Variants in KIF18A observed in about 807,000 individuals in gnomAD.
KIF18A encodes the protein kinesin family member 18A, also known as kinesin-like protein KIF18A.
Under a neutral mutation model 103.3 loss-of-function variants are expected in KIF18A, and 67 were observed. That is an observed-to-expected ratio of 0.65 (90% confidence interval 0.53 to 0.79). The LOEUF is 0.79. Among genes scored for constraint, KIF18A ranks in the 30% least tolerant of loss-of-function variants. KIF18A has a pLI of 0.00. For synonymous variants in KIF18A, 367 were observed against 355.5 expected (o/e 1.03, Z -0.36); for missense variants, 1,032 against 1,062.5 (o/e 0.97, Z 0.40).
At chr11:28,057,124 A>C (rs1850790884) in intron 13 of KIF18A, among the ~76,000 whole-genome samples, 1 of 152,094 alleles carries the variant, frequency 6.6e-6, no homozygotes, top group Non-Finnish European at 1.5e-5. Context: ...CCTCAAACCC[A>C]TAACAAATAA....
At chr11:28,084,374 G>T (rs1851200626) in intron 7 of KIF18A, 1 of 157,288 alleles carries the variant, frequency 6.4e-6, no homozygotes, top group Non-Finnish European at 1.4e-5. Flanking sequence ...AGAGGTTAGG[G>T]AGAAAGCCAC....
Position 28,094,810 on chromosome 11 carries a change from T to C in KIF18A, c.326-10A>G. 6.2e-7 allele frequency: 1 copy of C among 1,612,876 alleles called. No individual in the cohort carries two copies. The highest frequency in any genetic ancestry group is 1.7e-5 in the Admixed American group (1 of 59,980). ...GCACCATAGGCAAGTACTGAGTTTT[T>C]AAGAAAGGGATCAAAACTCTTTGTT... is the stretch of plus-strand genomic sequence containing the variant. On this transcript the variant is annotated splice_polypyrimidine_tract_variant and intron_variant, in intron 2 of 16. Coordinates refer to ENST00000263181, the MANE Select transcript of KIF18A (RefSeq NM_031217.4).
At chr11:28,050,010 T>C (rs1300968386) in intron 13 of KIF18A, among the ~76,000 whole-genome samples, 1 of 151,934 alleles carries the variant, frequency 6.6e-6, no homozygotes, top group Admixed American at 6.6e-5. Flanking sequence ...TAGGGATGTA[T>C]AATAGTTCCC....
At chr11:28,073,038 C>T (rs1407457555) in intron 10 of KIF18A, among the ~76,000 whole-genome samples, 2 of 152,092 alleles carry the variant, frequency 1.3e-5, no homozygotes, top group Admixed American at 6.6e-5. Flanking sequence ...TTTTAGACTC[C>T]TAGCAACCAA....
intron 12 of KIF18A, among the ~76,000 whole-genome samples, chr11:28,061,706 T>C (rs1005797072): frequency 6.6e-6 from 1 of 152,124 alleles, no homozygotes; most frequent in Non-Finnish European, 1.5e-5. Flanking sequence ...AAGATAATTA[T>C]CAGTTATTTG....
chr11:28,072,909 T>C (rs535404955), intron 10 of KIF18A, among the ~76,000 whole-genome samples: 1 of 152,234 alleles, frequency 6.6e-6, no homozygotes, highest in African/African-American at 2.4e-5. Flanking sequence ...TGGGATTACA[T>C]AGTCCAAGCT....
chr11:28,069,363 T>G lies in KIF18A; in HGVS notation c.1486A>C (p.Lys496Gln), dbSNP rs150712888. The G allele has an allele frequency of 1.2e-6, 2 of 1,613,638 alleles. No homozygotes were observed. Among genetic ancestry groups the G allele is most frequent in the East Asian group, 2.2e-5 (1 of 44,820 alleles). ...TGCTTCAATTCCTCCTCCCTCCTTT[T>G]CTCCAGGTAGGAGCGACGAGTTTTC... is the stretch of plus-strand genomic sequence containing the variant. ...MLKTRRSYLE[K>Q]RREEELKQFD... The change falls in exon 11 of 17, where the codon AAA becomes CAA. Residue 496 changes from lysine (K) to glutamine (Q), a missense_variant. Physicochemically the swap from Lys to Gln is moderately conservative, Grantham distance 53 (BLOSUM62 1). Transcript: ENST00000263181.
At chr11:28,106,332 GA>G (rs1418492770) in intron 1 of KIF18A, among the ~76,000 whole-genome samples, 1 of 152,104 alleles carries the variant, frequency 6.6e-6, no homozygotes, top group Non-Finnish European at 1.5e-5. Context: ...ACTCAAACCT[GA>G]ATTAGATTCA....
chr11:28,105,355 C>G (rs1851490699), intron 1 of KIF18A, among the ~76,000 whole-genome samples: 1 of 152,094 alleles, frequency 6.6e-6, no homozygotes, highest in African/African-American at 2.4e-5. Flanking sequence ...AAATATATAA[C>G]CCTCAGAAAT....
At chr11:28,105,739 C>A (rs1851496099) in intron 1 of KIF18A, among the ~76,000 whole-genome samples, 2 of 152,160 alleles carry the variant, frequency 1.3e-5, no homozygotes, top group South Asian at 4.1e-4. Context: ...TGTCAGATAT[C>A]ACAGAGTGGC....
At chr11:28,081,741 A>ATT (rs2133551675) in intron 9 of KIF18A, among the ~76,000 whole-genome samples, 1 of 152,268 alleles carries the variant, frequency 6.6e-6, no homozygotes, top group African/African-American at 2.4e-5. Flanking sequence ...TAGGAAATAC[A>ATT]TTTTGTAGGG....
At chr11:28,067,183 T>C (rs1239939508) in intron 11 of KIF18A, among the ~76,000 whole-genome samples, 4 of 152,072 alleles carry the variant, frequency 2.6e-5, no homozygotes, top group East Asian at 1.9e-4. Flanking sequence ...TTGTGGGGAA[T>C]ATTTTAAAGT....
chr11:28,043,875 T>C (rs1434103926), intron 13 of KIF18A, among the ~76,000 whole-genome samples: 5 of 150,126 alleles, frequency 3.3e-5, no homozygotes, highest in East Asian at 3.9e-4. Context: ...TTATTTTATA[T>C]AATAAATATA....
At chr11:28,040,697 A>G (rs1251489447) in intron 13 of KIF18A, among the ~76,000 whole-genome samples, 1 of 151,764 alleles carries the variant, frequency 6.6e-6, no homozygotes, top group Non-Finnish European at 1.5e-5. Flanking sequence ...TCACTTGGGA[A>G]GACATATCTC....
At chr11:28,058,372 GT>G (rs1267067240) in intron 13 of KIF18A, among the ~76,000 whole-genome samples, 10 of 151,212 alleles carry the variant, frequency 6.6e-5, no homozygotes. Flanking sequence ...GATAAAATGG[GT>G]TAGGCACAGC....
intron 13 of KIF18A, among the ~76,000 whole-genome samples, chr11:28,042,680 C>G (rs1231086427): frequency 6.6e-6 from 1 of 151,794 alleles, no homozygotes; most frequent in East Asian, 1.9e-4. Flanking sequence ...GGTTGGCACA[C>G]TTGAGAAATA....
intron 15 of KIF18A, among the ~76,000 whole-genome samples, chr11:28,025,552 A>T (rs947201845): frequency 3.3e-5 from 5 of 151,988 alleles, no homozygotes; most frequent in African/African-American, 1.2e-4. Context: ...GCTTTTGAAT[A>T]AAGCCATTTG....
chr11:28,080,144 T>G (rs1651010056), intron 9 of KIF18A, among the ~76,000 whole-genome samples: 2 of 152,048 alleles, frequency 1.3e-5, no homozygotes, highest in South Asian at 4.1e-4. Context: ...CCACTAAAAT[T>G]AAACTAAGTC....
At chr11:28,038,805 T>C (rs1350633991) in intron 13 of KIF18A, among the ~76,000 whole-genome samples, 1 of 151,710 alleles carries the variant, frequency 6.6e-6, no homozygotes, top group Non-Finnish European at 1.5e-5. Flanking sequence ...ATCCAGATCT[T>C]AAAATAATTT....
Sources: allele counts gnomAD v4.1 joint callset (sites outside exome capture counted in the v4.1 genomes callset), GRCh38; gene constraint gnomAD v4.1.1; transcripts MANE v1.5; gene names NCBI Gene and HGNC (gene_info 2026-07-23, HGNC 2026-07-21).